The following LRP6 variants were observed in gnomAD, a reference collection of about 807,000 sequenced individuals.
LRP6 encodes LDL receptor related protein 6.
In LRP6, 43 loss-of-function variants were observed where a neutral mutation model predicts 184.1. That is an observed-to-expected ratio of 0.23 (90% CI 0.18 to 0.30). LRP6 has a LOEUF of 0.30. LRP6 is among the 10% of genes least tolerant of loss of function. The pLI, the probability that LRP6 is intolerant of heterozygous loss-of-function variation, is 1.00. For synonymous variants in LRP6, 719 were observed against 684.9 expected, an observed-to-expected ratio of 1.05 and a Z score of -0.78; for missense variants, 1,571 against 2,005.3, an observed-to-expected ratio of 0.78 and a Z score of 4.14.
Position 12,151,789 on chromosome 12 carries a change from C to T in LRP6, c.2792-751G>A, listed in dbSNP as rs567794525. Reference sequence around the variant, plus strand: ...AACTCCTGGGCTCAAGCAATCCTCCCACCTTGGCCTCCCAAACTGCTGGGA... The same window carrying T: ...AACTCCTGGGCTCAAGCAATCCTCCTACCTTGGCCTCCCAAACTGCTGGGA... On this transcript the variant is annotated intron_variant, in intron 12 of 22. Transcript: ENST00000261349. Among the ~76,000 whole-genome samples, 3 of 152,216 alleles carry T rather than the reference C, an allele frequency of 2.0e-5. No homozygotes were observed. The South Asian group carries it at 6.2e-4, about 32-fold the overall frequency.
At chr12:12,179,629 T>C (rs1243246796) in intron 7 of LRP6, among the ~76,000 whole-genome samples, 181 bp downstream of exon 7, 1 of 152,074 alleles carries the variant, frequency 6.6e-6, no homozygotes, top group Non-Finnish European at 1.5e-5. Context: ...CATCCTAGGA[T>C]TATGTGGAAG....
At chr12:12,197,893 A>T (rs1422424719) in intron 3 of LRP6, among the ~76,000 whole-genome samples, 1 of 152,108 alleles carries the variant, frequency 6.6e-6, no homozygotes, top group Non-Finnish European at 1.5e-5. Flanking sequence ...AAATACAAAA[A>T]ATTAGTCAGG....
In LRP6 at chr12:12,173,579, G is replaced by C. The variant is rs569003859; in HGVS notation, c.1545+6231C>G. 3.3e-5 allele frequency among the ~76,000 whole-genome samples: 5 copies of C among 152,224 alleles called. 1 individual carries two copies. The highest frequency in any genetic ancestry group is 1.2e-4 in the African/African-American group (5 of 41,522). Reference sequence around the variant, plus strand: ...GCTTGTCTCAAACTCCTGGGCTCAAGTGATCTTCCCACTTCAGCCTCCCAA... The same window carrying C: ...GCTTGTCTCAAACTCCTGGGCTCAACTGATCTTCCCACTTCAGCCTCCCAA... On this transcript the variant is annotated intron_variant, in intron 7 of 22. Transcript: ENST00000261349.
chr12:12,189,542 C>A (rs1427874743), intron 3 of LRP6, among the ~76,000 whole-genome samples: 1 of 151,994 alleles, frequency 6.6e-6, no homozygotes, highest in Non-Finnish European at 1.5e-5. Flanking sequence ...GATCTTGTCA[C>A]CCAGGATGGA....
chr12:12,125,376 C>T lies in LRP6; in HGVS notation c.4369G>A (p.Gly1457Arg). The T allele has an allele frequency of 6.2e-7, 1 of 1,613,634 alleles. No homozygotes were observed. Among genetic ancestry groups the T allele is most frequent in the Non-Finnish European group, 8.5e-7 (1 of 1,179,684 alleles). ...ACATGGGCTCGGTCATAGGGGGGTCCACTGCTTCCCCCCATGATACTGAGG... is the reference window on the plus strand; with the variant it reads ...ACATGGGCTCGGTCATAGGGGGGTCTACTGCTTCCCCCCATGATACTGAGG... ...SSLSIMGGSS[G>R]PPYDRAHVTG... The change falls in exon 21 of 23, where the codon GGA (glycine) becomes AGA (arginine). Residue 1457 changes from glycine to arginine, a missense_variant. Transcript: ENST00000261349.
In LRP6 at chr12:12,135,194, T is replaced by C. The variant is rs991900067; in HGVS notation, c.3714A>G (p.Gln1238=). The C allele has an allele frequency of 1.2e-6, 2 of 1,613,820 alleles. No homozygotes were observed. The highest frequency in any genetic ancestry group is 1.7e-6 in the Non-Finnish European group (2 of 1,179,876). ...ATTTACCTCCACATGATAGCTCATCTTGAAGTAGAACCAGGTGCATGGGGC... is the reference window on the plus strand; with the variant it reads ...ATTTACCTCCACATGATAGCTCATCCTGAAGTAGAACCAGGTGCATGGGGC... The part of the protein sequence containing the change: ...CSCPMHLVLL[Q]DELSCGEPPT... The change falls in exon 17 of 23, where the codon CAA becomes CAG. Residue 1238 remains glutamine, a synonymous_variant. Coordinates refer to ENST00000261349, the MANE Select transcript of LRP6 (RefSeq NM_002336.3).
At chr12:12,158,751 G>GA (rs1195522507) in intron 12 of LRP6, 78 bp downstream of exon 12, 6 of 1,439,040 alleles carry the variant, frequency 4.2e-6, no homozygotes, top group Non-Finnish European at 4.9e-6. Context: ...TTTAACTTTA[G>GA]AAAAAACACA....
chr12:12,212,044 A>G (rs1218117157), intron 2 of LRP6, among the ~76,000 whole-genome samples: 1 of 152,222 alleles, frequency 6.6e-6, no homozygotes, highest in Non-Finnish European at 1.5e-5. Flanking sequence ...CCTGCACGTT[A>G]TTCTGATACT....
chr12:12,216,655 T>TA (rs34936968), intron 2 of LRP6, among the ~76,000 whole-genome samples: 10,229 of 137,000 alleles, frequency 0.075, 406 homozygotes, highest in Non-Finnish European at 0.11. Context: ...ACTTAAAATT[T>TA]AAAAAAAAAA....
intron 2 of LRP6, among the ~76,000 whole-genome samples, chr12:12,227,433 G>A (rs1451405889): frequency 1.3e-5 from 2 of 149,338 alleles, no homozygotes; most frequent in African/African-American, 4.9e-5. Context: ...TTGACACAGA[G>A]TTTTACTCTT....
chr12:12,187,377 T>C, intron 3 of LRP6: 2 of 486,122 alleles, frequency 4.1e-6, no homozygotes, highest in South Asian at 4.3e-5. Flanking sequence ...CAGTACAAGA[T>C]ACCCGGCAGA....
Position 12,150,880 on chromosome 12 carries a change from A to T in LRP6, c.2950T>A (p.Ser984Thr). Residue 984 changes from serine (S) to threonine (T), a missense_variant, in exon 13 of 23, where the codon TCA becomes ACA. Ser to Thr is a moderately conservative substitution (Grantham distance 58). Around this residue, in one of 4 missense-constraint regions of LRP6, gnomAD observed 763 missense variants for 859.5 expected, o/e 0.89. Coordinates refer to ENST00000261349, the MANE Select transcript of LRP6 (RefSeq NM_002336.3). ...GCCTTTCGGATCATGTTTTGTCGTGAGTCAATCCAATAGAGTTGCTTGTCC... is the reference window on the plus strand; with the variant it reads ...GCCTTTCGGATCATGTTTTGTCGTGTGTCAATCCAATAGAGTTGCTTGTCC... ...PLDKQLYWID[S>T]RQNMIRKAQE... 6.2e-7 allele frequency: 1 copy of T among 1,614,096 alleles called. No individual in the cohort carries two copies. The highest frequency in any genetic ancestry group is 8.5e-7 in the Non-Finnish European group (1 of 1,180,018).
At chr12:12,221,816 G>A (rs562337327) in intron 2 of LRP6, among the ~76,000 whole-genome samples, 1 of 152,264 alleles carries the variant, frequency 6.6e-6, no homozygotes, top group African/African-American at 2.4e-5. Context: ...GTTGGTACTC[G>A]CCTGTGTGGA....
chr12:12,205,329 C>CAAAAAAAAA (rs56169717), intron 2 of LRP6, among the ~76,000 whole-genome samples: 8 of 39,110 alleles, frequency 2.0e-4, no homozygotes, highest in Middle Eastern at 0.025. Flanking sequence ...CTCAAACAAA[C>CAAAAAAAAA]AAAAAAAAAA....
At chr12:12,173,741 C>G (rs570569693) in intron 7 of LRP6, among the ~76,000 whole-genome samples, 1 of 152,162 alleles carries the variant, frequency 6.6e-6, no homozygotes, top group East Asian at 1.9e-4. Flanking sequence ...CACCTCAACC[C>G]TTCCAAAGTG....
In LRP6 at chr12:12,119,987, C is replaced by CAAACAAACAAACAAAAA. The variant is rs567315765; in HGVS notation, c.*1138_*1139insTTTTTGTTTGTTTGTTT. 7 of 42,938 alleles carry CAAACAAACAAACAAAAA rather than the reference C, an allele frequency of 1.6e-4. No individual in the cohort carries two copies. Among genetic ancestry groups the CAAACAAACAAACAAAAA allele is most frequent in the Non-Finnish European group, 2.7e-4 (6 of 22,140 alleles). 2.7% of individuals were successfully genotyped at this position (42,938 alleles called of 1,614,324 possible). A position where few individuals can be genotyped will look rare whatever the true frequency, so the allele number is the denominator to read the frequency against. On this transcript the variant is annotated 3_prime_UTR_variant, in exon 23 of 23. Coordinates refer to ENST00000261349, the MANE Select transcript of LRP6 (RefSeq NM_002336.3). ...TTTACTCAGAAAACAAACAAACAAA[C>CAAACAAACAAACAAAAA]AAAATATATATATATATATATATAT... is the stretch of plus-strand genomic sequence containing the variant.
chr12:12,153,314 C>T (rs753114448), intron 12 of LRP6, among the ~76,000 whole-genome samples: 2 of 152,130 alleles, frequency 1.3e-5, no homozygotes, highest in Non-Finnish European at 2.9e-5. Flanking sequence ...CCCAGCAAGA[C>T]CCCCTTCTGT....
intron 11 of LRP6, 25 bp downstream of exon 11, chr12:12,159,755 T>G (rs1322075571): frequency 6.2e-7 from 1 of 1,610,266 alleles, no homozygotes; most frequent in Non-Finnish European, 8.5e-7. Context: ...AATATACTGT[T>G]TGAGTAAAAA....
At chr12:12,224,376 T>C (rs2135877323) in intron 2 of LRP6, among the ~76,000 whole-genome samples, 1 of 151,246 alleles carries the variant, frequency 6.6e-6, no homozygotes, top group East Asian at 1.9e-4. Context: ...TACTAAACAG[T>C]ACAGTCTACA....
Sources: allele counts gnomAD v4.1 joint callset (sites outside exome capture counted in the v4.1 genomes callset), GRCh38; gene constraint gnomAD v4.1.1; regional missense constraint gnomAD v4.1.1; transcripts MANE v1.5; gene names NCBI Gene and HGNC (gene_info 2026-07-23, HGNC 2026-07-21).